DDX60L: variants seen among roughly 807,000 people sequenced by gnomAD.
The protein encoded by DDX60L is probable ATP-dependent RNA helicase DDX60-like.
A neutral mutation model predicts 211.6 loss-of-function variants in DDX60L; 191 were observed. The observed-to-expected ratio is 0.90, with a 90% confidence interval of 0.80 to 1.02. The LOEUF (loss-of-function observed/expected upper bound fraction) is 1.02, where lower values mean the gene tolerates loss of function less well. Among genes scored for constraint, DDX60L ranks in the 50% least tolerant of loss-of-function variants. The pLI is 0.00. For missense variants in DDX60L, 2,007 were observed against 1,984.1 expected, an observed-to-expected ratio of 1.01 and a Z score of -0.22; for synonymous variants, 706 against 694.1, an observed-to-expected ratio of 1.02 and a Z score of -0.27.
chr4:168,442,520 C>A (rs947835088), intron 9 of DDX60L, among the ~76,000 whole-genome samples: 1 of 152,236 alleles, frequency 6.6e-6, no homozygotes, highest in Non-Finnish European at 1.5e-5. Flanking sequence ...TGGGTGGAGC[C>A]CACCACAGCT....
chr4:168,431,438 T>G (rs1272232189), intron 12 of DDX60L, among the ~76,000 whole-genome samples: 1 of 152,030 alleles, frequency 6.6e-6, no homozygotes, highest in African/African-American at 2.4e-5. Context: ...TATTCCTATA[T>G]GCAATTGGCA....
At chr4:168,440,244 T>C (rs1348963972) in intron 10 of DDX60L, among the ~76,000 whole-genome samples, 1 of 152,036 alleles carries the variant, frequency 6.6e-6, no homozygotes, top group Non-Finnish European at 1.5e-5. Context: ...CAAAAAAAGA[T>C]TGACAAGGCT....
rs747442500 is a variant in DDX60L, at chr4:168,406,082, G to A, written c.3085-4C>T. On this transcript the variant is annotated splice_region_variant and splice_polypyrimidine_tract_variant and intron_variant, in intron 23 of 37. Coordinates refer to ENST00000682922, the MANE Select transcript of DDX60L (RefSeq NM_001012967.3). ...TGAATTCCTCTGGACACAATTCCTT[G>A]GGGGGAAAATTATCACAAAATTAAG... 1.3e-6 allele frequency: 2 copies of A among 1,584,404 alleles called. No individual in the cohort carries two copies. Among genetic ancestry groups the A allele is most frequent in the Admixed American group, 3.7e-5 (2 of 53,488 alleles).
At position 168,423,596 on chromosome 4, in the gene DDX60L, T is replaced by C; in HGVS notation, c.2097+12A>G. 1.3e-6 allele frequency: 2 copies of C among 1,536,532 alleles called. No individual in the cohort carries two copies. The highest frequency in any genetic ancestry group is 1.7e-6 in the Non-Finnish European group (2 of 1,144,596). Reference sequence around the variant, plus strand: ...TAAAAATTTAAAGTATAAGAAATTCTAGTTCTCTTACCAGAGTTGGATCCA... The same window carrying C: ...TAAAAATTTAAAGTATAAGAAATTCCAGTTCTCTTACCAGAGTTGGATCCA... On this transcript the variant is annotated intron_variant, in intron 15 of 37. Coordinates refer to ENST00000682922, the MANE Select transcript of DDX60L (RefSeq NM_001012967.3).
At chr4:168,363,494 A>C (rs991276064) in intron 36 of DDX60L, among the ~76,000 whole-genome samples, 1 of 152,212 alleles carries the variant, frequency 6.6e-6, no homozygotes, top group African/African-American at 2.4e-5. Flanking sequence ...AAAAACAACA[A>C]CACCTACAAT....
chr4:168,479,918 A>AGGTT (rs1428010327), intron 1 of DDX60L, among the ~76,000 whole-genome samples: 1 of 139,540 alleles, frequency 7.2e-6, no homozygotes, highest in Admixed American at 8.0e-5. Flanking sequence ...CGGAAGGTGG[A>AGGTT]GGTTGCAGTG....
chr4:168,402,568 G>A (rs1477256805), intron 25 of DDX60L, among the ~76,000 whole-genome samples: 1 of 152,170 alleles, frequency 6.6e-6, no homozygotes, highest in East Asian at 1.9e-4. Context: ...AAATGAGGCT[G>A]CAAGAAGCTA....
At chr4:168,458,089 C>A in intron 5 of DDX60L, 81 bp from the exon 6 acceptor site, 2 of 770,864 alleles carry the variant, frequency 2.6e-6, no homozygotes, top group South Asian at 2.1e-5. Context: ...TGAGGCAAAT[C>A]AAAACCACAA....
chr4:168,391,369 C>T (rs1313337345), intron 29 of DDX60L, among the ~76,000 whole-genome samples, 171 bp downstream of exon 29: 4 of 152,168 alleles, frequency 2.6e-5, no homozygotes, highest in Non-Finnish European at 5.9e-5. Flanking sequence ...ACAGATAGAT[C>T]ACACAAAATG....
rs759898148 is a variant in DDX60L, at chr4:168,384,815, G to A, written c.3916-3C>T. On this transcript the variant is annotated splice_region_variant and splice_polypyrimidine_tract_variant and intron_variant, in intron 29 of 37. Transcript: ENST00000682922. ...CTTCTTCCAGCACGACCAGACATCT[G>A]GAAGCAGCAAAGAATCACAATGTAA... 1.2e-5 allele frequency: 20 copies of A among 1,610,764 alleles called. No individual in the cohort carries two copies. In the South Asian group the frequency reaches 2.1e-4, roughly 17 times the overall value.
At chr4:168,359,552 C>A (rs1185543760) in intron 37 of DDX60L, among the ~76,000 whole-genome samples, 1 of 152,148 alleles carries the variant, frequency 6.6e-6, no homozygotes, top group Non-Finnish European at 1.5e-5. Flanking sequence ...TTTCTCTCAC[C>A]TGGAATATGG....
In DDX60L at chr4:168,433,114, T is replaced by C; in HGVS notation, c.1296A>G (p.Glu432=). 6.3e-7 allele frequency: 1 copy of C among 1,591,518 alleles called. No homozygotes were observed. The highest frequency in any genetic ancestry group is 1.1e-5 in the South Asian group (1 of 88,232). The part of the protein sequence containing the change: ...FLRQEKSVIQ[E]ISLEKMPSVG... ...CACTAGGCATCTTTTCCAAGGAGAT[T>C]TCTGAAAACAAATATAAATTTAAGA... The change falls in exon 11 of 38, where the codon GAA becomes GAG. Residue 432 remains glutamate (E), a splice_region_variant and synonymous_variant. Transcript: ENST00000682922.
intron 3 of DDX60L, 45 bp downstream of exon 3, chr4:168,472,410 G>T: frequency 1.5e-6 from 2 of 1,367,126 alleles, no homozygotes; most frequent in Non-Finnish European, 2.0e-6. Flanking sequence ...GAAACACAGA[G>T]CATACAATAG....
Position 168,378,407 on chromosome 4 carries a change from T to G in DDX60L, c.4432A>C (p.Lys1478Gln), listed in dbSNP as rs770417938. 1.7e-4 allele frequency: 265 copies of G among 1,543,756 alleles called. No individual in the cohort carries two copies. Among genetic ancestry groups the G allele is most frequent in the Admixed American group, 2.3e-4 (12 of 53,252 alleles). The change falls in exon 33 of 38, where the codon AAA (lysine) becomes CAA (glutamine). Residue 1478 changes from lysine to glutamine, a missense_variant. Physicochemically the swap from Lys to Gln is moderately conservative, Grantham distance 53 (BLOSUM62 1). Coordinates refer to ENST00000682922, the MANE Select transcript of DDX60L (RefSeq NM_001012967.3). ...TTTTGGAATTTTGCTGGAATATATT[T>G]TCTTCCAAACAAATTTGCCAATACT... ...VLVLANLFGR[K>Q]YIPAKFQNAN...
In DDX60L at chr4:168,467,941, C is replaced by T. The variant is rs538131932; in HGVS notation, c.264+3806G>A. ...CAGCACTTTGGGAGGCTGAAGCAGG[C>T]AGATCACCTGAGGTCCAGAGTTCAA... On this transcript the variant is annotated intron_variant, in intron 4 of 37. Transcript: ENST00000682922. Among the ~76,000 whole-genome samples, 25 of 152,116 alleles carry T rather than the reference C, an allele frequency of 1.6e-4. 1 individual carries two copies. The highest frequency in any genetic ancestry group is 2.2e-4 in the Non-Finnish European group (15 of 67,994).
At position 168,366,182 on chromosome 4, in the gene DDX60L, G is replaced by A. The variant is rs181131258; in HGVS notation, c.4929-4971C>T. Among the ~76,000 whole-genome samples, 53 of 152,052 alleles carry A rather than the reference G, an allele frequency of 3.5e-4. 1 individual carries two copies. In the East Asian group the frequency reaches 8.7e-3, roughly 25 times the overall value. ...ATAAATAATTAAAGACATCCAAATC[G>A]GAAAGGAAAAAGTCAGATTGTCCCT... On this transcript the variant is annotated intron_variant, in intron 36 of 37. Coordinates refer to ENST00000682922, the MANE Select transcript of DDX60L (RefSeq NM_001012967.3).
Position 168,420,406 on chromosome 4 carries a change from A to G in DDX60L, c.2395-26T>C, listed in dbSNP as rs958343764. 3.1e-6 allele frequency: 5 copies of G among 1,595,672 alleles called. No individual in the cohort carries two copies. In the Admixed American group the frequency reaches 9.0e-5, roughly 29 times the overall value. ...CTGATTGACAAGAAAAAAAACCATT[A>G]GTCACTTAGTAGAGAAGAGACATAT... On this transcript the variant is annotated intron_variant, in intron 17 of 37. Transcript: ENST00000682922.
chr4:168,472,073 A>T (rs946150255), intron 3 of DDX60L, 137 bp from the exon 4 acceptor site: 2 of 650,026 alleles, frequency 3.1e-6, no homozygotes. Context: ...CAAATACCTC[A>T]TTTAAGCAAC....
rs189671580 is a variant in DDX60L at position 168,463,005 on chromosome 4, T to C, written c.265-965A>G. Among the ~76,000 whole-genome samples the C allele has an allele frequency of 3.3e-5, 5 of 152,240 alleles. No homozygotes were observed. The East Asian group carries it at 9.7e-4, about 29-fold the overall frequency. The stretch of plus-strand genomic sequence containing the variant: ...CTCAACATCAAAAAATAACAGATGC[T>C]GATAAAGTCGCAGAGAAAAAGGAAT... On this transcript the variant is annotated intron_variant, in intron 4 of 37. Transcript: ENST00000682922.
Sources: gnomAD v4.1 joint callset for allele counts (sites outside exome capture counted in the v4.1 genomes callset) on GRCh38, gnomAD v4.1.1 for gene constraint, MANE v1.5 for transcripts, NCBI Gene and HGNC (gene_info 2026-07-23, HGNC 2026-07-21) for gene names.